Variants in SMYD3 observed in about 807,000 individuals in gnomAD.
SMYD3 encodes SET and MYND domain containing 3.
A neutral mutation model predicts 57.7 loss-of-function variants in SMYD3; 36 were observed. That is an observed-to-expected ratio of 0.62 (90% CI 0.48 to 0.82). SMYD3 has a LOEUF of 0.82. Among genes scored for constraint, SMYD3 ranks in the 40% least tolerant of loss-of-function variants. The probability of loss-of-function intolerance (pLI) is 0.00; values close to 1 mark genes in which losing one functional copy is unlikely to be tolerated. For synonymous variants in SMYD3, 211 were observed against 195.0 expected (o/e 1.08, Z -0.68); for missense variants, 515 against 538.8 (o/e 0.96, Z 0.44).
In SMYD3 at chr1:246,004,433, A is replaced by G. The variant is rs1180746517; in HGVS notation, c.532-74496T>C. 2.0e-5 allele frequency among the ~76,000 whole-genome samples: 3 copies of G among 152,162 alleles called. No individual in the cohort carries two copies. In the East Asian group the frequency reaches 5.8e-4, roughly 29 times the overall value. On this transcript the variant is annotated intron_variant, in intron 5 of 11. Coordinates refer to ENST00000490107, the MANE Select transcript of SMYD3 (RefSeq NM_001167740.2). Reference sequence around the variant, plus strand: ...TCCACAACACACTTGACTTTCATTCATGTGTACTACAATCCTGTGGGTTAA... The same window carrying G: ...TCCACAACACACTTGACTTTCATTCGTGTGTACTACAATCCTGTGGGTTAA...
Position 246,469,606 on chromosome 1 carries a change from T to C in SMYD3, c.164+37448A>G, listed in dbSNP as rs185046510. 1.4e-4 allele frequency among the ~76,000 whole-genome samples: 21 copies of C among 152,078 alleles called. 1 individual carries two copies. In the East Asian group the frequency reaches 2.7e-3, roughly 20 times the overall value. On this transcript the variant is annotated intron_variant, in intron 1 of 11. Coordinates refer to ENST00000490107, the MANE Select transcript of SMYD3 (RefSeq NM_001167740.2). ...CAATAATGGAACAAATAGGAACCAATGGAACAAATAGGAACCCATGAGTCC... is the reference window on the plus strand; with the variant it reads ...CAATAATGGAACAAATAGGAACCAACGGAACAAATAGGAACCCATGAGTCC...
At chr1:245,902,688 G>T (rs987905788) in intron 8 of SMYD3, among the ~76,000 whole-genome samples, 2 of 152,188 alleles carry the variant, frequency 1.3e-5, no homozygotes, top group Admixed American at 1.3e-4. Flanking sequence ...GGTTGCCCAA[G>T]CCTCCACTAA....
At chr1:245,932,881 G>A (rs1346989611) in intron 5 of SMYD3, among the ~76,000 whole-genome samples, 1 of 152,192 alleles carries the variant, frequency 6.6e-6, no homozygotes, top group Non-Finnish European at 1.5e-5. Context: ...ATTAGTCTGA[G>A]TGTTACGTGT....
chr1:245,912,912 T>C (rs1282972021), intron 8 of SMYD3, among the ~76,000 whole-genome samples: 1 of 152,188 alleles, frequency 6.6e-6, no homozygotes, highest in Non-Finnish European at 1.5e-5. Flanking sequence ...AAACAGTTGG[T>C]GGGACTGTAA....
intron 5 of SMYD3, among the ~76,000 whole-genome samples, chr1:246,303,845 T>C (rs2148618989): frequency 6.6e-6 from 1 of 152,284 alleles, no homozygotes; most frequent in Non-Finnish European, 1.5e-5. Flanking sequence ...GCACAGAAGA[T>C]GCACAGGCAG....
At chr1:246,080,731 A>G (rs1166825055) in intron 5 of SMYD3, among the ~76,000 whole-genome samples, 1 of 152,232 alleles carries the variant, frequency 6.6e-6, no homozygotes, top group Non-Finnish European at 1.5e-5. Context: ...TATAAAATAC[A>G]CAGAAAAGCT....
chr1:246,059,155 C>T (rs1242952565), intron 5 of SMYD3, among the ~76,000 whole-genome samples: 2 of 152,182 alleles, frequency 1.3e-5, no homozygotes, highest in African/African-American at 2.4e-5. Context: ...GGATTAAAGG[C>T]GTGAGCCACC....
At chr1:246,057,871 T>G (rs2060179920) in intron 5 of SMYD3, among the ~76,000 whole-genome samples, 1 of 152,222 alleles carries the variant, frequency 6.6e-6, no homozygotes, top group East Asian at 1.9e-4. Flanking sequence ...AGAAGGTGAA[T>G]GGATAATCAA....
intron 10 of SMYD3, among the ~76,000 whole-genome samples, chr1:245,784,843 ATT>A (rs74163079): frequency 5.1e-4 from 59 of 115,684 alleles, no homozygotes; most frequent in African/African-American, 1.5e-3. Flanking sequence ...TTTAGACTGA[ATT>A]TTTTTTTTTT....
intron 5 of SMYD3, chr1:245,947,415 C>T (rs930745707): frequency 2.2e-6 from 1 of 457,134 alleles, no homozygotes; most frequent in South Asian, 1.5e-5. Flanking sequence ...CATATCCCCC[C>T]AAAACGAACC....
At chr1:246,486,374 T>G (rs1317444020) in intron 1 of SMYD3, among the ~76,000 whole-genome samples, 2 of 152,180 alleles carry the variant, frequency 1.3e-5, no homozygotes, top group Non-Finnish European at 2.9e-5. Flanking sequence ...CAAGTATAGG[T>G]GATATTCATC....
chr1:246,391,274 G>C lies in SMYD3; in HGVS notation c.165-36180C>G, dbSNP rs567578799. ...ATGCACCTATATTCCTAGATACATG[G>C]GAGGCTTAAGTAGGAGAACTGCTTG... is the stretch of plus-strand genomic sequence containing the variant. On this transcript the variant is annotated intron_variant, in intron 1 of 11. Transcript: ENST00000490107. Among the ~76,000 whole-genome samples, 5 of 150,690 alleles carry C rather than the reference G, an allele frequency of 3.3e-5. No homozygotes were observed. In the East Asian group the frequency reaches 9.7e-4, roughly 29 times the overall value.
rs185492681 is a variant in SMYD3, at chr1:245,764,362, A to G, written c.1077-213T>C. 9.9e-5 allele frequency among the ~76,000 whole-genome samples: 15 copies of G among 151,812 alleles called. No individual in the cohort carries two copies. In the East Asian group the frequency reaches 1.9e-3, roughly 20 times the overall value. On this transcript the variant is annotated intron_variant, in intron 10 of 11. Transcript: ENST00000490107. ...CCTCAGAATGTGTTTTGTGTTAGGG[A>G]AAAAAAATGACAGGACTAGAAGGTC... is the stretch of plus-strand genomic sequence containing the variant.
At chr1:245,788,419 C>T (rs2047137007) in intron 10 of SMYD3, among the ~76,000 whole-genome samples, 1 of 152,188 alleles carries the variant, frequency 6.6e-6, no homozygotes, top group Admixed American at 6.5e-5. Flanking sequence ...TCACATGACT[C>T]GGGAGGCCAG....
chr1:246,149,655 C>A (rs1302417150), intron 5 of SMYD3, among the ~76,000 whole-genome samples: 1 of 152,206 alleles, frequency 6.6e-6, no homozygotes, highest in African/African-American at 2.4e-5. Flanking sequence ...CAGTGTGTTA[C>A]TGCCCTAATC....
intron 5 of SMYD3, among the ~76,000 whole-genome samples, chr1:246,173,120 G>T (rs974716477): frequency 2.7e-5 from 4 of 147,162 alleles, no homozygotes; most frequent in African/African-American, 7.6e-5. Flanking sequence ...TACACACTTA[G>T]GCTACACAGG....
At chr1:245,913,578 GC>G (rs1171318399) in intron 8 of SMYD3, among the ~76,000 whole-genome samples, 1 of 150,384 alleles carries the variant, frequency 6.6e-6, no homozygotes, top group African/African-American at 2.4e-5. Flanking sequence ...AGATTTTATG[GC>G]TAAGACCACA....
At chr1:246,034,792 C>A (rs141475960) in intron 5 of SMYD3, among the ~76,000 whole-genome samples, 1 of 152,214 alleles carries the variant, frequency 6.6e-6, no homozygotes, top group African/African-American at 2.4e-5. Flanking sequence ...TCTGGAGGAC[C>A]GCGGCAATCC....
At chr1:246,403,342 A>AT (rs986304906) in intron 1 of SMYD3, among the ~76,000 whole-genome samples, 5 of 152,000 alleles carry the variant, frequency 3.3e-5, no homozygotes, top group Non-Finnish European at 7.4e-5. Flanking sequence ...AAAAAAAAAA[A>AT]ATTTAATTAG....
Sources: allele counts gnomAD v4.1 joint callset (sites outside exome capture counted in the v4.1 genomes callset), GRCh38; gene constraint gnomAD v4.1.1; transcripts MANE v1.5; gene names NCBI Gene and HGNC (gene_info 2026-07-23, HGNC 2026-07-21).